The following COLEC12 variants were observed in gnomAD, a reference collection of about 807,000 sequenced individuals.
COLEC12 encodes collectin-12.
A neutral mutation model predicts 71.1 loss-of-function variants in COLEC12; 33 were observed. The observed-to-expected ratio is 0.46, with a 90% CI of 0.35 to 0.62. The LOEUF (loss-of-function observed/expected upper bound fraction) is 0.62, where lower values mean the gene tolerates loss of function less well. Ranked by LOEUF, COLEC12 falls within the 20% of genes least tolerant of loss-of-function variation. The pLI, the probability that COLEC12 is intolerant of heterozygous loss-of-function variation, is 0.00. For synonymous variants in COLEC12, 350 were observed against 353.0 expected, an observed-to-expected ratio of 0.99 and a Z score of 0.10; for missense variants, 765 against 916.1, an observed-to-expected ratio of 0.84 and a Z score of 2.13.
intron 2 of COLEC12, among the ~76,000 whole-genome samples, chr18:404,978 A>C (rs1478106369): frequency 1.4e-4 from 22 of 152,172 alleles, no homozygotes; most frequent in Non-Finnish European, 3.2e-4. Flanking sequence ...ACCCTGGGAA[A>C]GGAATGCATT....
chr18:446,559 T>G (rs1916657249), intron 2 of COLEC12, among the ~76,000 whole-genome samples: 2 of 150,110 alleles, frequency 1.3e-5, no homozygotes, highest in African/African-American at 4.9e-5. Context: ...AAAAAATTTT[T>G]TTTTTTTTTT....
At chr18:467,865 T>TTTTTTTTTTTTTTTTTTTGAGAC (rs1917116785) in intron 2 of COLEC12, among the ~76,000 whole-genome samples, 1 of 152,094 alleles carries the variant, frequency 6.6e-6, no homozygotes, top group African/African-American at 2.4e-5. Flanking sequence ...TGACAATTTT[T>TTTTTTTTTTTTTTTTTTTGAGAC]GCCAACTAAA....
intron 2 of COLEC12, among the ~76,000 whole-genome samples, chr18:385,239 C>T (rs1433937139): frequency 6.6e-6 from 1 of 151,700 alleles, no homozygotes; most frequent in Admixed American, 6.6e-5. Flanking sequence ...GCATCCACTT[C>T]TTTACAGGCA....
At chr18:348,970 G>T (rs1268528481) in intron 3 of COLEC12, among the ~76,000 whole-genome samples, 1 of 152,196 alleles carries the variant, frequency 6.6e-6, no homozygotes, top group Admixed American at 6.5e-5. Flanking sequence ...AATAATGGGG[G>T]TGGTTTCCCC....
intron 2 of COLEC12, among the ~76,000 whole-genome samples, chr18:448,622 A>C (rs1464435104): frequency 6.6e-6 from 1 of 152,232 alleles, no homozygotes; most frequent in Non-Finnish European, 1.5e-5. Flanking sequence ...ATTCAAAAGA[A>C]GTAACTGCTG....
intron 2 of COLEC12, among the ~76,000 whole-genome samples, chr18:379,932 T>A (rs1915195429): frequency 6.6e-6 from 1 of 152,110 alleles, no homozygotes; most frequent in Non-Finnish European, 1.5e-5. Flanking sequence ...AAGATGAAGC[T>A]GTATTTCCGG....
intron 1 of COLEC12, among the ~76,000 whole-genome samples, chr18:497,760 A>G (rs1386380973): frequency 6.6e-6 from 1 of 152,178 alleles, no homozygotes; most frequent in Non-Finnish European, 1.5e-5. Context: ...GTTGCTTTCT[A>G]TCATGTTGGC....
intron 5 of COLEC12, among the ~76,000 whole-genome samples, chr18:342,547 T>C (rs1035559693): frequency 1.7e-4 from 26 of 152,256 alleles, no homozygotes; most frequent in African/African-American, 6.0e-4. Flanking sequence ...CGTTAATCCA[T>C]CCTGCTTTAT....
rs1173809984 is a variant in COLEC12, at chr18:399,969, A to C, written c.59-42447T>G. Among the ~76,000 whole-genome samples the C allele has an allele frequency of 1.3e-5, 2 of 152,176 alleles. No homozygotes were observed. The highest frequency in any genetic ancestry group is 4.8e-5 in the African/African-American group (2 of 41,436). ...GGGGCGGGTGGGGGATAGTGACTGA[A>C]GAGGCTGTATTTATTGGGAGTGTAT... is the stretch of plus-strand genomic sequence containing the variant. On this transcript the variant is annotated intron_variant, in intron 2 of 9. Transcript: ENST00000400256. This position sits in a 1 kb window ranked among gnomAD's most constrained non-coding sequence, Gnocchi z 4.0.
At chr18:457,496 G>A (rs532002321) in intron 2 of COLEC12, among the ~76,000 whole-genome samples, 1 of 152,278 alleles carries the variant, frequency 6.6e-6, no homozygotes, top group East Asian at 1.9e-4. Flanking sequence ...TTGAAGCAAA[G>A]CACACATATC....
chr18:478,251 AACTT>A (rs576975539), intron 2 of COLEC12, among the ~76,000 whole-genome samples: 11 of 152,266 alleles, frequency 7.2e-5, no homozygotes, highest in Admixed American at 2.0e-4. Context: ...AGCTCCAACT[AACTT>A]GCTTCAGCAA....
chr18:361,042 C>T (rs749381985), intron 2 of COLEC12, among the ~76,000 whole-genome samples: 1 of 152,172 alleles, frequency 6.6e-6, no homozygotes, highest in Admixed American at 6.5e-5. Context: ...GGTGGTTAAA[C>T]TCAAAGACAC....
Position 346,898 on chromosome 18 carries a change from GA to G in COLEC12, c.723del (p.Gln242LysfsTer17). 1 of 1,614,148 alleles carries G rather than the reference GA, an allele frequency of 6.2e-7. No homozygotes were observed. Among genetic ancestry groups the G allele is most frequent in the Non-Finnish European group, 8.5e-7 (1 of 1,180,002 alleles). On this transcript the variant is annotated frameshift_variant, in exon 5 of 10. Coordinates refer to ENST00000400256, the MANE Select transcript of COLEC12 (RefSeq NM_130386.3). LOFTEE classifies it high-confidence loss of function. This position sits in a 1 kb window ranked among gnomAD's most constrained non-coding sequence, Gnocchi z 4.0. ...SQAIQRIKND[F>X]QNLQQVFLQA... ...TGAAGAAAAACCTGCTGCAGATTTT[GA>G]AAGTCGTTCTTGATTCGCTGGATAG... is the stretch of plus-strand genomic sequence containing the variant.
chr18:476,612 G>A lies in COLEC12; in HGVS notation c.58+4095C>T, dbSNP rs569981235. On this transcript the variant is annotated intron_variant, in intron 2 of 9. Coordinates refer to ENST00000400256, the MANE Select transcript of COLEC12 (RefSeq NM_130386.3). ...CCGCCCCAGTGCAGAAAGGGAGAAT[G>A]CAGGCTCCAGAGGGAGGGCCCAGGC... is the stretch of plus-strand genomic sequence containing the variant. Among the ~76,000 whole-genome samples the A allele has an allele frequency of 2.0e-5, 3 of 152,326 alleles. No homozygotes were observed. In the East Asian group the frequency reaches 5.8e-4, roughly 29 times the overall value.
intron 3 of COLEC12, among the ~76,000 whole-genome samples, chr18:356,358 T>C (rs1455358114): frequency 1.3e-5 from 2 of 152,122 alleles, no homozygotes; most frequent in Non-Finnish European, 2.9e-5. Context: ...CCTGGCACAG[T>C]AGCAAGCACT....
At chr18:350,865 C>A (rs969898127) in intron 3 of COLEC12, among the ~76,000 whole-genome samples, 5 of 149,306 alleles carry the variant, frequency 3.3e-5, no homozygotes, top group African/African-American at 7.4e-5. Context: ...GAGGTGGAAC[C>A]AGGAGAATTG....
At chr18:471,907 G>C (rs1917206431) in intron 2 of COLEC12, among the ~76,000 whole-genome samples, 1 of 152,080 alleles carries the variant, frequency 6.6e-6, no homozygotes, top group Admixed American at 6.5e-5. Context: ...AGATGACAGG[G>C]AAAGTAGACA....
intron 8 of COLEC12, 28 bp downstream of exon 8, chr18:331,640 A>G (rs369265260): frequency 7.1e-7 from 1 of 1,409,330 alleles, no homozygotes; most frequent in African/African-American, 1.4e-5. Context: ...GAGCCTGACC[A>G]CCAATCTGGA....
rs1914427230 is a variant in COLEC12, at chr18:348,133, C to T, written c.212G>A (p.Gly71Asp). ...ATAGGTTTGGCGAGATGTTTCCATG[C>T]CACCTGTGACATTGTCCATTTTCTC... Reference protein sequence around the residue: ...VVEKMDNVTGGMETSRQTYDD... With the variant: ...VVEKMDNVTGDMETSRQTYDD... Residue 71 changes from glycine to aspartate, a missense_variant, in exon 4 of 10, where the codon GGC (glycine) becomes GAC (aspartate). Gly to Asp is a moderately conservative substitution (Grantham distance 94). Coordinates refer to ENST00000400256, the MANE Select transcript of COLEC12 (RefSeq NM_130386.3). The T allele has an allele frequency of 6.2e-7, 1 of 1,613,574 alleles. No individual in the cohort carries two copies. The highest frequency in any genetic ancestry group is 1.7e-5 in the Admixed American group (1 of 59,984).
Sources: gnomAD v4.1 joint callset for allele counts (sites outside exome capture counted in the v4.1 genomes callset) on GRCh38, gnomAD v4.1.1 for gene constraint, Gnocchi (gnomAD v3.1) non-coding constraint, MANE v1.5 for transcripts, NCBI Gene and HGNC (gene_info 2026-07-23, HGNC 2026-07-21) for gene names.